The following VPS13D variants were observed in gnomAD, a reference collection of about 807,000 sequenced individuals.
VPS13D encodes intermembrane lipid transfer protein VPS13D.
In VPS13D, 187 loss-of-function variants were observed where a neutral mutation model predicts 461.9. The ratio of observed to expected loss-of-function variants is 0.40; its 90% CI spans 0.36 to 0.46. The LOEUF is 0.46. VPS13D is among the 20% of genes least tolerant of loss of function. VPS13D has a pLI of 0.60. For missense variants in VPS13D, 4,711 were observed against 5,364.9 expected, an observed-to-expected ratio of 0.88 and a Z score of 3.81; for synonymous variants, 1,951 against 1,986.3, an observed-to-expected ratio of 0.98 and a Z score of 0.47.
At chr1:12,452,066 A>G (rs1051929083) in intron 65 of VPS13D, among the ~76,000 whole-genome samples, 8 of 152,184 alleles carry the variant, frequency 5.3e-5, no homozygotes, top group Middle Eastern at 3.2e-3. Context: ...TTATCTTTCT[A>G]TTATGCCACA....
chr1:12,257,613 C>T (rs188800231), intron 9 of VPS13D, among the ~76,000 whole-genome samples: 13 of 152,296 alleles, frequency 8.5e-5, no homozygotes, highest in Non-Finnish European at 1.6e-4. Flanking sequence ...GTCAAATCCT[C>T]GGTAATTATC....
At chr1:12,295,509 G>A (rs1371489673) in intron 24 of VPS13D, among the ~76,000 whole-genome samples, 2 of 152,032 alleles carry the variant, frequency 1.3e-5, no homozygotes, top group East Asian at 3.8e-4. Context: ...TATACAAGTA[G>A]CATAATCAAA....
chr1:12,405,137 G>A (rs1010509854), intron 63 of VPS13D, among the ~76,000 whole-genome samples: 3 of 152,216 alleles, frequency 2.0e-5, no homozygotes, highest in South Asian at 2.1e-4. Flanking sequence ...GGGTGGTGTC[G>A]TGTCTGCCCA....
At position 12,270,438 on chromosome 1, in the gene VPS13D, G is replaced by A. The variant is rs558417729; in HGVS notation, c.1973-556G>A. Among the ~76,000 whole-genome samples, 9 of 152,028 alleles carry A rather than the reference G, an allele frequency of 5.9e-5. No individual in the cohort carries two copies. The South Asian group carries it at 6.2e-4, about 11-fold the overall frequency. ...TGCACTCCAGCCTAGGAGACAGAGC[G>A]GGACTTTGTCTTAAAAAAGAAGAAG... On this transcript the variant is annotated intron_variant, in intron 16 of 69. Transcript: ENST00000620676.
chr1:12,397,225 C>T (rs549059320), intron 60 of VPS13D, among the ~76,000 whole-genome samples: 4 of 152,306 alleles, frequency 2.6e-5, no homozygotes, highest in Middle Eastern at 3.4e-3. Flanking sequence ...TGAGCCACCA[C>T]GCCTGGCCAA....
intron 65 of VPS13D, 125 bp from the exon 66 acceptor site, chr1:12,455,873 C>G: frequency 8.2e-7 from 1 of 1,216,114 alleles, no homozygotes; most frequent in Non-Finnish European, 1.1e-6. Flanking sequence ...GAGATGAGAT[C>G]ACACCACTAC....
intron 63 of VPS13D, among the ~76,000 whole-genome samples, chr1:12,408,516 A>G (rs1243555821): frequency 6.6e-6 from 1 of 152,080 alleles, no homozygotes; most frequent in Non-Finnish European, 1.5e-5. Context: ...GGTGCGTGCC[A>G]CCATGCCTGG....
At chr1:12,323,174 A>G (rs978979460) in intron 34 of VPS13D, among the ~76,000 whole-genome samples, 5 of 152,170 alleles carry the variant, frequency 3.3e-5, no homozygotes, top group Admixed American at 1.3e-4. Context: ...GGCCCAAGCT[A>G]TCTTCACTCC....
At chr1:12,425,397 A>G (rs1350691306) in intron 65 of VPS13D, among the ~76,000 whole-genome samples, 2 of 152,100 alleles carry the variant, frequency 1.3e-5, no homozygotes, top group Admixed American at 1.3e-4. Context: ...CACCTGTACT[A>G]TAAATACAAA....
intron 40 of VPS13D, among the ~76,000 whole-genome samples, 162 bp downstream of exon 40, chr1:12,338,467 G>T (rs556481738): frequency 6.6e-6 from 1 of 152,120 alleles, no homozygotes; most frequent in Non-Finnish European, 1.5e-5. Context: ...ACAGAGTGGT[G>T]CATATTATCA....
intron 20 of VPS13D, among the ~76,000 whole-genome samples, chr1:12,280,048 A>G (rs1281938966): frequency 1.4e-5 from 2 of 146,634 alleles, no homozygotes; most frequent in African/African-American, 5.2e-5. Flanking sequence ...TCCTTTCAAC[A>G]GAGAATTAGT....
At chr1:12,383,229 T>C in intron 58 of VPS13D, 74 bp downstream of exon 58, 1 of 1,430,164 alleles carries the variant, frequency 7.0e-7, no homozygotes, top group Non-Finnish European at 9.5e-7. Flanking sequence ...ATTTAACAAA[T>C]ACTTATTGAA....
rs777658889 is a variant in VPS13D at position 12,338,314 on chromosome 1, T to A, written c.8626+9T>A. The A allele has an allele frequency of 1.1e-5, 18 of 1,612,582 alleles. 1 individual carries two copies. The highest frequency in any genetic ancestry group is 3.3e-4 in the Middle Eastern group (2 of 6,050). On this transcript the variant is annotated intron_variant, in intron 40 of 69. Transcript: ENST00000620676. ...CCAGATCTATGCTAGAGGTACAGTA[T>A]AGCCAAGCGAGGGCTTGCTTTATTT...
chr1:12,483,922 C>T (rs1052875609), intron 67 of VPS13D, among the ~76,000 whole-genome samples: 12 of 151,478 alleles, frequency 7.9e-5, no homozygotes, highest in Non-Finnish European at 1.6e-4. Context: ...CACTTGAACC[C>T]GGGATGTGGA....
At chr1:12,428,431 A>C (rs1227465656) in intron 65 of VPS13D, among the ~76,000 whole-genome samples, 1 of 152,270 alleles carries the variant, frequency 6.6e-6, no homozygotes, top group Non-Finnish European at 1.5e-5. Context: ...AGTTAGGCAC[A>C]TAAGGATGAT....
rs1270760130 is a variant in VPS13D at position 12,473,716 on chromosome 1, G to T, written c.12662+13320G>T. Among the ~76,000 whole-genome samples, 1 of 152,170 alleles carries T rather than the reference G, an allele frequency of 6.6e-6. No individual in the cohort carries two copies. The highest frequency in any genetic ancestry group is 1.5e-5 in the Non-Finnish European group (1 of 68,024). ...AGGTGAAACAGGGATTGTGTCCCTA[G>T]CTCTTACTTAAATTCAACCCTGTCC... On this transcript the variant is annotated intron_variant, in intron 67 of 69. Transcript: ENST00000620676. This position sits in a 1 kb window ranked among gnomAD's most constrained non-coding sequence, Gnocchi z 4.2.
chr1:12,262,780 T>G (rs1477542739), intron 13 of VPS13D, among the ~76,000 whole-genome samples: 2 of 151,926 alleles, frequency 1.3e-5, no homozygotes, highest in East Asian at 3.9e-4. Flanking sequence ...CTTGGCTCAC[T>G]GCAACCTCTG....
At chr1:12,316,345 C>T (rs750965885) in intron 30 of VPS13D, among the ~76,000 whole-genome samples, 7 of 152,078 alleles carry the variant, frequency 4.6e-5, no homozygotes, top group Admixed American at 2.6e-4. Context: ...AATTTTTGAA[C>T]GCCTTTCGTG....
At chr1:12,262,239 G>T (rs1399414034) in intron 13 of VPS13D, among the ~76,000 whole-genome samples, 159 bp downstream of exon 13, 1 of 152,110 alleles carries the variant, frequency 6.6e-6, no homozygotes, top group Non-Finnish European at 1.5e-5. Flanking sequence ...ACTGGGTTAG[G>T]TTCATGTGAA....
Sources: allele counts gnomAD v4.1 joint callset (sites outside exome capture counted in the v4.1 genomes callset), GRCh38; gene constraint gnomAD v4.1.1; non-coding constraint Gnocchi (gnomAD v3.1); transcripts MANE v1.5; gene names NCBI Gene and HGNC (gene_info 2026-07-23, HGNC 2026-07-21).